Variants in PMS1 observed in about 807,000 individuals in gnomAD.
The protein encoded by PMS1 is PMS1 protein homolog 1.
A neutral mutation model predicts 93.1 loss-of-function variants in PMS1; 79 were observed. That is an observed-to-expected ratio of 0.85 (90% CI 0.71 to 1.02). The LOEUF (loss-of-function observed/expected upper bound fraction) is 1.02. Ranked by LOEUF, PMS1 falls within the 50% of genes least tolerant of loss-of-function variation. The probability of loss-of-function intolerance (pLI) is 0.00; values close to 1 mark genes in which losing one functional copy is unlikely to be tolerated. For synonymous variants in PMS1, 335 were observed against 363.4 expected (o/e 0.92, Z 0.89); for missense variants, 1,064 against 1,085.3 (o/e 0.98, Z 0.28).
intron 4 of PMS1, among the ~76,000 whole-genome samples, chr2:189,813,902 A>G (rs2051050758): frequency 6.6e-6 from 1 of 152,216 alleles, no homozygotes; most frequent in Non-Finnish European, 1.5e-5. Flanking sequence ...ACTTCCATGA[A>G]AAGAATCATT....
intron 5 of PMS1, among the ~76,000 whole-genome samples, chr2:189,825,117 T>C (rs1233285): frequency 0.12 from 17,973 of 152,122 alleles, 1,514 homozygotes; most frequent in African/African-American, 0.24. Context: ...GATAGTGTTC[T>C]TTCTTTTTAT....
At chr2:189,809,447 CTTTTTTTTTTTTTTTTTT>C (rs972672920) in intron 4 of PMS1, among the ~76,000 whole-genome samples, 2 of 63,434 alleles carry the variant, frequency 3.2e-5, no homozygotes, top group Admixed American at 3.7e-4. Flanking sequence ...AAGCACATTT[CTTTTTTTTTTTTTTTTTT>C]TTTTTTTTTG....
At chr2:189,849,372 A>G (rs1000010479) in intron 6 of PMS1, among the ~76,000 whole-genome samples, 2 of 152,120 alleles carry the variant, frequency 1.3e-5, no homozygotes, top group Admixed American at 6.6e-5. Context: ...AGGATTTACA[A>G]TTTATTTGTT....
chr2:189,857,573 CTTT>C (rs2106476575), intron 9 of PMS1: 1 of 402,856 alleles, frequency 2.5e-6, no homozygotes, highest in African/African-American at 2.1e-5. Context: ...CTTCCTTCTT[CTTT>C]TTTTCTTCCT....
intron 5 of PMS1, among the ~76,000 whole-genome samples, chr2:189,833,616 A>T (rs893404396): frequency 1.3e-5 from 2 of 152,120 alleles, no homozygotes; most frequent in African/African-American, 4.8e-5. Context: ...TCATTTGGGT[A>T]ATTAAATATT....
In PMS1 at chr2:189,854,656, G is replaced by A. The variant is rs1016802650; in HGVS notation, c.1384G>A (p.Val462Ile). ...EYSKTCFISS[V>I]KHTQSENGNK... is the part of the protein sequence containing the mutation. ...TAGTAAAACTTGTTTTATAAGTTCC[G>A]TTAAGCACACCCAGTCAGAAAATGG... Residue 462 changes from valine to isoleucine, a missense_variant, in exon 9 of 13, where the codon GTT (valine) becomes ATT (isoleucine). Physicochemically the swap from Val to Ile is conservative, Grantham distance 29. Transcript: ENST00000441310. 18 of 1,613,882 alleles carry A rather than the reference G, an allele frequency of 1.1e-5. No homozygotes were observed. The highest frequency in any genetic ancestry group is 1.4e-5 in the Non-Finnish European group (16 of 1,179,886).
At chr2:189,822,789 A>G (rs1339483036) in intron 5 of PMS1, among the ~76,000 whole-genome samples, 1 of 152,234 alleles carries the variant, frequency 6.6e-6, no homozygotes, top group African/African-American at 2.4e-5. Flanking sequence ...TGGTTTCTAT[A>G]AAAAGTTTGG....
chr2:189,791,993 A>G, intron 2 of PMS1, 52 bp downstream of exon 2: 1 of 1,539,266 alleles, frequency 6.5e-7, no homozygotes, highest in Non-Finnish European at 9.0e-7. Context: ...AAGGGTCTGG[A>G]CACATGTTTT....
intron 3 of PMS1, 33 bp downstream of exon 3, chr2:189,795,984 T>G (rs527448170): frequency 1.5e-6 from 2 of 1,339,702 alleles, no homozygotes; most frequent in African/African-American, 2.9e-5. Context: ...TTTAGTGATT[T>G]CATATTCACT....
In PMS1 at chr2:189,854,721, A is replaced by G; in HGVS notation, c.1449A>G (p.Glu483=). The change falls in exon 9 of 13, where the codon GAA becomes GAG. Residue 483 remains glutamate (E), a synonymous_variant. Coordinates refer to ENST00000441310, the MANE Select transcript of PMS1 (RefSeq NM_000534.5). ...DHIDESGENE[E]EAGLENSSEI... ...TAGATGAGAGTGGGGAAAATGAGGA[A>G]GAAGCAGGTCTTGAAAACTCTTCGG... 1 of 1,613,962 alleles carries G rather than the reference A, an allele frequency of 6.2e-7. No homozygotes were observed. Among genetic ancestry groups the G allele is most frequent in the Non-Finnish European group, 8.5e-7 (1 of 1,179,888 alleles).
intron 5 of PMS1, 49 bp from the exon 6 acceptor site, chr2:189,843,915 A>G: frequency 1.3e-6 from 2 of 1,503,400 alleles, no homozygotes; most frequent in Non-Finnish European, 1.9e-6. Flanking sequence ...TCTTGAGTTT[A>G]GTAAATCTAA....
At chr2:189,815,275 A>G (rs2051195853) in intron 4 of PMS1, among the ~76,000 whole-genome samples, 1 of 152,082 alleles carries the variant, frequency 6.6e-6, no homozygotes, top group Admixed American at 6.6e-5. Context: ...GTTGTGTAGG[A>G]CAGTGTAAGC....
At chr2:189,853,359 G>T (rs1372321722) in intron 7 of PMS1, among the ~76,000 whole-genome samples, 1 of 151,788 alleles carries the variant, frequency 6.6e-6, no homozygotes, top group East Asian at 1.9e-4. Context: ...CCAGAGTTTT[G>T]ATTTGAACCC....
At chr2:189,868,702 G>A (rs553674223) in intron 11 of PMS1, among the ~76,000 whole-genome samples, 1 of 152,292 alleles carries the variant, frequency 6.6e-6, no homozygotes, top group South Asian at 2.1e-4. Flanking sequence ...ATTTTTAAAG[G>A]AATGCTTTAC....
chr2:189,839,609 G>C (rs2053658265), intron 5 of PMS1, among the ~76,000 whole-genome samples: 3 of 152,216 alleles, frequency 2.0e-5, no homozygotes, highest in Non-Finnish European at 4.4e-5. Flanking sequence ...CTCCTGTCAA[G>C]TCTGATTGTA....
intron 5 of PMS1, among the ~76,000 whole-genome samples, chr2:189,820,881 A>G (rs962257317): frequency 1.2e-4 from 18 of 152,194 alleles, no homozygotes; most frequent in Non-Finnish European, 1.5e-5. Flanking sequence ...ATCATTTAAA[A>G]TAAGAATAGC....
At chr2:189,843,261 G>A (rs10189913) in intron 5 of PMS1, among the ~76,000 whole-genome samples, 4,935 of 151,834 alleles carry the variant, frequency 0.033, 265 homozygotes, top group African/African-American at 0.11. Context: ...CAAGTGATCC[G>A]CCTGCCTCAG....
At chr2:189,800,724 A>G (rs1296925641) in intron 3 of PMS1, among the ~76,000 whole-genome samples, 2 of 152,222 alleles carry the variant, frequency 1.3e-5, no homozygotes, top group Admixed American at 1.3e-4. Flanking sequence ...TTAAAGTCAT[A>G]GAGTTGTAAA....
intron 1 of PMS1, among the ~76,000 whole-genome samples, chr2:189,790,866 C>T (rs2048802640): frequency 6.6e-6 from 1 of 152,034 alleles, no homozygotes; most frequent in African/African-American, 2.4e-5. Flanking sequence ...AGATTTGAGT[C>T]AGGGTGAATG....
Sources: allele counts gnomAD v4.1 joint callset (sites outside exome capture counted in the v4.1 genomes callset), GRCh38; gene constraint gnomAD v4.1.1; transcripts MANE v1.5; gene names NCBI Gene and HGNC (gene_info 2026-07-23, HGNC 2026-07-21).